The following FRMPD3 variants were observed in gnomAD, a reference collection of about 807,000 sequenced individuals.
FRMPD3 encodes the protein FERM and PDZ domain-containing protein 3.
A neutral mutation model predicts 97.9 loss-of-function variants in FRMPD3; 42 were observed. That is an observed-to-expected ratio of 0.43 (90% CI 0.34 to 0.55). The LOEUF (loss-of-function observed/expected upper bound fraction) is 0.55, where lower values mean the gene tolerates loss of function less well. FRMPD3 is among the 20% of genes least tolerant of loss of function. The pLI is 0.03. For synonymous variants in FRMPD3, 577 were observed against 581.1 expected (o/e 0.99, Z 0.10); for missense variants, 1,303 against 1,457.7 (o/e 0.89, Z 1.73).
chrX:107,464,714 G>T (rs1443069653), intron 1 of FRMPD3, among the ~76,000 whole-genome samples: 1 of 111,571 alleles, frequency 9.0e-6, no homozygotes, highest in Non-Finnish European at 1.9e-5. Flanking sequence ...TAATGGATGA[G>T]AACTTCCTGT....
chrX:107,576,204 G>A, intron 12 of FRMPD3, 111 bp from the exon 13 acceptor site: 1 of 886,885 alleles, frequency 1.1e-6, no homozygotes. Context: ...GGTTCAGACA[G>A]TATGGTTCCT....
intron 1 of FRMPD3, among the ~76,000 whole-genome samples, chrX:107,486,473 A>G (rs1165792225): frequency 8.9e-6 from 1 of 112,520 alleles, no homozygotes; most frequent in Non-Finnish European, 1.9e-5. Context: ...AAGGTTTTAT[A>G]TTTTAGCTGT....
At chrX:107,488,402 C>G (rs1208362713) in intron 1 of FRMPD3, among the ~76,000 whole-genome samples, 1 of 112,491 alleles carries the variant, frequency 8.9e-6, no homozygotes, top group African/African-American at 3.2e-5. Context: ...GTTGGCAAAG[C>G]ATTTGGAAAG....
intron 1 of FRMPD3, among the ~76,000 whole-genome samples, chrX:107,489,412 C>T (rs1189267908): frequency 1.8e-5 from 2 of 111,808 alleles, no homozygotes; most frequent in African/African-American, 3.3e-5. Flanking sequence ...AATCGCCACA[C>T]TGACTTCCAC....
intron 3 of FRMPD3, among the ~76,000 whole-genome samples, chrX:107,531,473 C>T (rs909001871): frequency 2.7e-5 from 3 of 110,353 alleles, no homozygotes; most frequent in Non-Finnish European, 3.8e-5. Context: ...TTTCCAGGCT[C>T]CCAAAAGCCC....
At chrX:107,465,748 G>T (rs1931548413) in intron 1 of FRMPD3, among the ~76,000 whole-genome samples, 1 of 111,051 alleles carries the variant, frequency 9.0e-6, no homozygotes, top group African/African-American at 3.3e-5. Flanking sequence ...AAGGGTGCCT[G>T]ACTTTCCCAC....
intron 5 of FRMPD3, among the ~76,000 whole-genome samples, chrX:107,548,374 A>G (rs1231899409): frequency 1.8e-5 from 2 of 112,340 alleles, no homozygotes; most frequent in Admixed American, 1.9e-4. Flanking sequence ...CCAGTGAATT[A>G]AGGAATCTGG....
Position 107,602,389 on chromosome X carries a change from C to A in FRMPD3, c.4350C>A (p.Asp1450Glu), listed in dbSNP as rs752990457. The change falls in exon 15 of 15, where the codon GAC (aspartate) becomes GAA (glutamate). Residue 1450 changes from aspartate to glutamate, a missense_variant. Physicochemically the swap from Asp to Glu is conservative, Grantham distance 45. Transcript: ENST00000683843. ...SRSLESPTLGDPSYVQVAPET... is the reference protein window; with the variant it reads ...SRSLESPTLGEPSYVQVAPET... ...CTCTGGAGTCACCGACGCTGGGAGACCCCTCCTACGTCCAGGTTGCCCCAG... is the reference window on the plus strand; with the variant it reads ...CTCTGGAGTCACCGACGCTGGGAGAACCCTCCTACGTCCAGGTTGCCCCAG... 6 of 1,210,721 alleles carry A rather than the reference C, an allele frequency of 5.0e-6. No individual in the cohort carries two copies. Among genetic ancestry groups the A allele is most frequent in the Non-Finnish European group, 6.7e-6 (6 of 895,214 alleles).
At chrX:107,532,781 G>A (rs766756641) in intron 3 of FRMPD3, among the ~76,000 whole-genome samples, 2 of 112,584 alleles carry the variant, frequency 1.8e-5, no homozygotes, top group South Asian at 7.3e-4. Flanking sequence ...GGGCCAATAA[G>A]GAGAGGGGAA....
intron 1 of FRMPD3, among the ~76,000 whole-genome samples, chrX:107,480,895 G>GGAAAGAAAGAAA (rs59050601): frequency 1.1e-3 from 68 of 60,600 alleles, no homozygotes; most frequent in Admixed American, 3.1e-3. Flanking sequence ...AAGGAAGGAA[G>GGAAAGAAAGAAA]GAAAGAAAGA....
At chrX:107,521,502 C>T (rs923021991) in intron 1 of FRMPD3, among the ~76,000 whole-genome samples, 3 of 112,705 alleles carry the variant, frequency 2.7e-5, no homozygotes, top group Non-Finnish European at 5.6e-5. Flanking sequence ...GAATAAGGAG[C>T]AGCTAGCCAA....
intron 1 of FRMPD3, among the ~76,000 whole-genome samples, chrX:107,455,050 G>A (rs1379152925): frequency 9.0e-6 from 1 of 111,589 alleles, no homozygotes; most frequent in African/African-American, 3.3e-5. Context: ...TCTCCTAAAC[G>A]TACCTTGTAC....
intron 12 of FRMPD3, among the ~76,000 whole-genome samples, chrX:107,568,905 AAGAG>A (rs112583276): frequency 3.0e-4 from 31 of 103,226 alleles, no homozygotes; most frequent in South Asian, 1.3e-3. Flanking sequence ...ACAAAAATGA[AAGAG>A]AGAGAGAGAG....
Position 107,602,503 on chromosome X carries a change from C to T in FRMPD3, c.4464C>T (p.Ser1488=). ...CCGAGCTAGACGAGGACAGTGAGAG[C>T]AGCAAGTGCTGCTCCATCCGCTACT... ...KPAELDEDSE[S]SKCCSIRYCF... is the part of the protein sequence containing the mutation. Residue 1488 remains serine, a synonymous_variant, in exon 15 of 15, where the codon AGC becomes AGT. Transcript: ENST00000683843. 8.3e-7 allele frequency: 1 copy of T among 1,211,507 alleles called. No individual in the cohort carries two copies. Among genetic ancestry groups the T allele is most frequent in the African/African-American group, 1.7e-5 (1 of 58,061 alleles).
In FRMPD3 at chrX:107,465,055, A is replaced by G. The variant is rs1008510027; in HGVS notation, c.-8+15050A>G. Among the ~76,000 whole-genome samples the G allele has an allele frequency of 5.3e-5, 6 of 112,230 alleles. No homozygotes were observed. The East Asian group carries it at 8.4e-4, about 16-fold the overall frequency. ...AGTCTTTCTTGAGGCATCATGCCCAATGGGGTTTAGAGAATGGAGTTTGGG... is the reference window on the plus strand; with the variant it reads ...AGTCTTTCTTGAGGCATCATGCCCAGTGGGGTTTAGAGAATGGAGTTTGGG... On this transcript the variant is annotated intron_variant, in intron 1 of 14. Transcript: ENST00000683843.
At chrX:107,488,039 T>C (rs1921552687) in intron 1 of FRMPD3, among the ~76,000 whole-genome samples, 1 of 111,450 alleles carries the variant, frequency 9.0e-6, no homozygotes, top group Non-Finnish European at 1.9e-5. Flanking sequence ...CCCTTTCTCC[T>C]CCTTCTCCTC....
chrX:107,521,017 T>C (rs899809922), intron 1 of FRMPD3, among the ~76,000 whole-genome samples: 3 of 112,062 alleles, frequency 2.7e-5, no homozygotes, highest in African/African-American at 9.7e-5. Flanking sequence ...GCCAGTGTTC[T>C]CAGGCTGTCC....
intron 13 of FRMPD3, among the ~76,000 whole-genome samples, chrX:107,593,744 A>G (rs192327069): frequency 1.1e-4 from 12 of 111,871 alleles, no homozygotes; most frequent in Admixed American, 1.9e-4. Context: ...ATTCTGTTCC[A>G]TTGGCCTATG....
intron 1 of FRMPD3, among the ~76,000 whole-genome samples, chrX:107,511,749 G>C (rs1922170673): frequency 8.9e-6 from 1 of 112,517 alleles, no homozygotes; most frequent in African/African-American, 3.2e-5. Flanking sequence ...GCCCACACCT[G>C]CTCCCCCTGT....
Sources: allele counts gnomAD v4.1 joint callset (sites outside exome capture counted in the v4.1 genomes callset), GRCh38; gene constraint gnomAD v4.1.1; transcripts MANE v1.5; gene names NCBI Gene and HGNC (gene_info 2026-07-23, HGNC 2026-07-21).